Variants in EIF4G3 observed in about 807,000 individuals in gnomAD.
EIF4G3 encodes the protein eIF-4-gamma 3.
In EIF4G3, 34 loss-of-function variants were observed where a neutral mutation model predicts 186.4. The observed-to-expected ratio is 0.18, with a 90% confidence interval of 0.14 to 0.24. The LOEUF (loss-of-function observed/expected upper bound fraction) is 0.24. EIF4G3 is among the 10% of genes least tolerant of loss of function. The probability of loss-of-function intolerance (pLI) is 1.00; values close to 1 mark genes in which losing one functional copy is unlikely to be tolerated. For missense variants in EIF4G3, 1,536 were observed against 1,948.5 expected, an observed-to-expected ratio of 0.79 and a Z score of 3.99; for synonymous variants, 673 against 679.5, an observed-to-expected ratio of 0.99 and a Z score of 0.15.
At chr1:20,943,274 T>C (rs1169822095) in intron 13 of EIF4G3, among the ~76,000 whole-genome samples, 6 of 152,168 alleles carry the variant, frequency 3.9e-5, no homozygotes, top group Non-Finnish European at 8.8e-5. Context: ...ACAATATACA[T>C]ATAGTATGAA....
intron 13 of EIF4G3, among the ~76,000 whole-genome samples, chr1:20,949,071 A>G (rs147611973): frequency 1.3e-5 from 2 of 152,244 alleles, no homozygotes; most frequent in African/African-American, 4.8e-5. Flanking sequence ...ATAATTCAAG[A>G]AAGTAAGAAG....
At chr1:20,993,744 T>A (rs996243736) in intron 7 of EIF4G3, among the ~76,000 whole-genome samples, 1 of 152,228 alleles carries the variant, frequency 6.6e-6, no homozygotes, top group Non-Finnish European at 1.5e-5. Context: ...CTACCACCGA[T>A]GAAAAAACCA....
At chr1:20,996,195 T>C (rs1216594004) in intron 7 of EIF4G3, among the ~76,000 whole-genome samples, 1 of 152,210 alleles carries the variant, frequency 6.6e-6, no homozygotes, top group Admixed American at 6.5e-5. Flanking sequence ...AATTTACTTT[T>C]CATAATAGTT....
At chr1:21,047,889 T>C (rs1224829070) in intron 4 of EIF4G3, among the ~76,000 whole-genome samples, 1 of 152,096 alleles carries the variant, frequency 6.6e-6, no homozygotes, top group Non-Finnish European at 1.5e-5. Context: ...TGTTAACATA[T>C]TGCTAGGAGA....
At position 20,874,490 on chromosome 1, in the gene EIF4G3, T is replaced by C. The variant is rs150755983; in HGVS notation, c.2622+4833A>G. Among the ~76,000 whole-genome samples the C allele has an allele frequency of 2.6e-3, 390 of 152,284 alleles. 7 individuals are homozygous for C. Among genetic ancestry groups the C allele is most frequent in the Admixed American group, 0.019 (290 of 15,280 alleles). Reference sequence around the variant, plus strand: ...TGTCTTATTTTGAGAAGTGCTGTCATTGATTATCTTTTCTAAAGTTTATCA... The same window carrying C: ...TGTCTTATTTTGAGAAGTGCTGTCACTGATTATCTTTTCTAAAGTTTATCA... On this transcript the variant is annotated intron_variant, in intron 20 of 36. Coordinates refer to ENST00000602326, the MANE Select transcript of EIF4G3 (RefSeq NM_001391906.1).
chr1:20,841,756 C>T (rs956427392), intron 29 of EIF4G3, among the ~76,000 whole-genome samples: 1 of 152,120 alleles, frequency 6.6e-6, no homozygotes, highest in Non-Finnish European at 1.5e-5. Flanking sequence ...GCTGATACAC[C>T]AATAAAGCAG....
intron 33 of EIF4G3, among the ~76,000 whole-genome samples, chr1:20,824,140 T>C (rs1469698820): frequency 6.6e-6 from 1 of 152,246 alleles, no homozygotes; most frequent in Non-Finnish European, 1.5e-5. Context: ...TTCCCCCTCA[T>C]TAATTCTTTT....
intron 25 of EIF4G3, among the ~76,000 whole-genome samples, chr1:20,856,987 C>A (rs1405751030): frequency 1.3e-5 from 2 of 151,352 alleles, no homozygotes; most frequent in Non-Finnish European, 2.9e-5. Context: ...ACGGTGAAAC[C>A]CCGTCTCTAC....
intron 30 of EIF4G3, among the ~76,000 whole-genome samples, chr1:20,837,150 T>C (rs2066984534): frequency 6.6e-6 from 1 of 152,204 alleles, no homozygotes; most frequent in Non-Finnish European, 1.5e-5. Context: ...TAAAGAGCTA[T>C]AGGGAGAAAT....
chr1:20,888,606 T>C (rs1052145415), intron 18 of EIF4G3, among the ~76,000 whole-genome samples: 1 of 152,166 alleles, frequency 6.6e-6, no homozygotes, highest in Non-Finnish European at 1.5e-5. Context: ...AAATCTGCTA[T>C]ATATGAGCAA....
chr1:21,158,876 A>G (rs981270454), intron 2 of EIF4G3, among the ~76,000 whole-genome samples: 2 of 151,932 alleles, frequency 1.3e-5, no homozygotes, highest in Admixed American at 6.6e-5. Flanking sequence ...AAATACCTAT[A>G]TTTTCTCGCT....
chr1:20,999,260 C>G (rs549366487), intron 6 of EIF4G3: 3 of 295,366 alleles, frequency 1.0e-5, no homozygotes, highest in African/African-American at 6.6e-5. Context: ...ATGATGATAA[C>G]TGGCAGTTAC....
chr1:21,089,293 C>T (rs2096099285), intron 2 of EIF4G3, 80 bp from the exon 3 acceptor site: 1 of 693,356 alleles, frequency 1.4e-6, no homozygotes, highest in South Asian at 1.6e-5. Flanking sequence ...CAAAATTCCA[C>T]CAACGACCTA....
intron 6 of EIF4G3, among the ~76,000 whole-genome samples, chr1:21,000,595 A>C (rs112038328): frequency 1.2e-3 from 176 of 149,348 alleles, no homozygotes; most frequent in African/African-American, 4.1e-3. Context: ...TCCCAGCACA[A>C]AAAAAAAACA....
chr1:21,165,669 G>C (rs66597932), intron 2 of EIF4G3, among the ~76,000 whole-genome samples: 4,179 of 152,194 alleles, frequency 0.027, 88 homozygotes, highest in Non-Finnish European at 0.038. Flanking sequence ...CCTAGGGCAG[G>C]GAGAATTGGG....
chr1:20,982,569 C>T, intron 7 of EIF4G3, 161 bp from the exon 8 acceptor site: 1 of 522,346 alleles, frequency 1.9e-6, no homozygotes, highest in African/African-American at 2.0e-5. Context: ...ATCAGAATGA[C>T]AGTTCTTCAC....
At chr1:20,817,233 G>C (rs1169948437) in intron 34 of EIF4G3, among the ~76,000 whole-genome samples, 159 bp downstream of exon 34, 2 of 91,282 alleles carry the variant, frequency 2.2e-5, no homozygotes, top group African/African-American at 9.5e-5. Flanking sequence ...ACCCAAGAAT[G>C]ATCAATTAAA....
At chr1:20,979,672 A>G (rs968674938) in intron 10 of EIF4G3, among the ~76,000 whole-genome samples, 7 of 152,216 alleles carry the variant, frequency 4.6e-5, no homozygotes, top group Non-Finnish European at 8.8e-5. Context: ...TAGAATTATC[A>G]GCTTGTAAAG....
chr1:21,066,913 G>A (rs984921310), intron 3 of EIF4G3, among the ~76,000 whole-genome samples: 1 of 152,042 alleles, frequency 6.6e-6, no homozygotes, highest in African/African-American at 2.4e-5. Context: ...TTGTAAAATT[G>A]CTGTGAAGGG....
Sources: gnomAD v4.1 joint callset for allele counts (sites outside exome capture counted in the v4.1 genomes callset) on GRCh38, gnomAD v4.1.1 for gene constraint, MANE v1.5 for transcripts, NCBI Gene and HGNC (gene_info 2026-07-23, HGNC 2026-07-21) for gene names.